Variants in TADA2A observed in about 807,000 individuals in gnomAD.
TADA2A encodes transcriptional adapter 2-alpha.
A neutral mutation model predicts 67.4 loss-of-function variants in TADA2A; 38 were observed. The observed-to-expected ratio is 0.56, with a 90% CI of 0.44 to 0.74. TADA2A has a LOEUF of 0.74. Among genes scored for constraint, TADA2A ranks in the 30% least tolerant of loss-of-function variants. TADA2A has a pLI of 0.00. For synonymous variants in TADA2A, 192 were observed against 181.6 expected, an observed-to-expected ratio of 1.06 and a Z score of -0.46; for missense variants, 454 against 547.0, an observed-to-expected ratio of 0.83 and a Z score of 1.70.
intron 7 of TADA2A, 83 bp downstream of exon 7, chr17:37,442,735 A>G (rs2052959482): frequency 1.5e-6 from 2 of 1,296,806 alleles, no homozygotes; most frequent in African/African-American, 1.5e-5. Flanking sequence ...CATAGATTCC[A>G]TACCACTAAA....
At position 37,478,831 on chromosome 17, in the gene TADA2A, A is replaced by C. The variant is rs185259113; in HGVS notation, c.*1849A>C. On this transcript the variant is annotated 3_prime_UTR_variant, in exon 16 of 16. Transcript: ENST00000615182. ...AGCTGGGAAGGGATTCATCTAAGGG[A>C]TAAGAAATGAAAAAGACACTCTAAG... is the stretch of plus-strand genomic sequence containing the variant. The C allele has an allele frequency of 1.3e-5, 2 of 152,338 alleles. No homozygotes were observed. The highest frequency in any genetic ancestry group is 6.5e-5 in the Admixed American group (1 of 15,302). The allele number at this position is 152,338 out of a possible 1,614,324, so 9.4% of individuals were successfully genotyped here.
intron 15 of TADA2A, among the ~76,000 whole-genome samples, chr17:37,475,325 T>A (rs571443886): frequency 4.3e-4 from 65 of 151,690 alleles, no homozygotes; most frequent in African/African-American, 1.5e-3. Context: ...TATAGGCGCT[T>A]GCCACCATGC....
At chr17:37,408,236 C>A in intron 1 of TADA2A, 1 of 152,786 alleles carries the variant, frequency 6.5e-6, no homozygotes. Context: ...ACTGTGCATC[C>A]TTTACTGGAC....
At chr17:37,475,051 A>G (rs2053864776) in intron 15 of TADA2A, among the ~76,000 whole-genome samples, 1 of 152,226 alleles carries the variant, frequency 6.6e-6, no homozygotes, top group South Asian at 2.1e-4. Context: ...CATAATCATT[A>G]TTTAAAACAT....
At chr17:37,412,112 G>A (rs946066247) in intron 2 of TADA2A, among the ~76,000 whole-genome samples, 16 of 151,730 alleles carry the variant, frequency 1.1e-4, no homozygotes, top group Non-Finnish European at 2.2e-4. Flanking sequence ...TTGGGAGGCT[G>A]AGGCAGGAGA....
At chr17:37,471,917 T>G (rs1040730358) in intron 14 of TADA2A, among the ~76,000 whole-genome samples, 1 of 152,038 alleles carries the variant, frequency 6.6e-6, no homozygotes, top group African/African-American at 2.4e-5. Flanking sequence ...TTTACCTCTT[T>G]GAGTATGTCC....
chr17:37,427,493 A>G (rs1454295041), intron 4 of TADA2A, among the ~76,000 whole-genome samples: 1 of 152,220 alleles, frequency 6.6e-6, no homozygotes, highest in African/African-American at 2.4e-5. Context: ...GAATTAATAC[A>G]TAAAATCACT....
chr17:37,476,656 T>C (rs2053898350), intron 15 of TADA2A, 141 bp from the exon 16 acceptor site: 2 of 761,454 alleles, frequency 2.6e-6, no homozygotes, highest in Non-Finnish European at 2.1e-6. Flanking sequence ...AGAGACTAAA[T>C]GGAATGTAGT....
intron 14 of TADA2A, among the ~76,000 whole-genome samples, chr17:37,471,511 A>T (rs373336481): frequency 1.6e-3 from 240 of 152,006 alleles, no homozygotes; most frequent in African/African-American, 5.6e-3. Flanking sequence ...TTTTTTATTT[A>T]TTTACTTATT....
At chr17:37,444,792 T>C in intron 8 of TADA2A, 24 bp downstream of exon 8, 1 of 1,607,302 alleles carries the variant, frequency 6.2e-7, no homozygotes, top group Non-Finnish European at 8.5e-7. Context: ...TTGTCAAATG[T>C]TTATCGAGCG....
intron 6 of TADA2A, among the ~76,000 whole-genome samples, chr17:37,441,020 G>A (rs987902854): frequency 6.6e-6 from 1 of 151,994 alleles, no homozygotes; most frequent in African/African-American, 2.4e-5. Flanking sequence ...ACTTGAACCG[G>A]GTAGGCGGAG....
Position 37,476,953 on chromosome 17 carries a change from A to G in TADA2A, c.1303A>G (p.Ile435Val), listed in dbSNP as rs1447715107. 6.2e-7 allele frequency: 1 copy of G among 1,613,878 alleles called. No homozygotes were observed. Among genetic ancestry groups the G allele is most frequent in the South Asian group, 1.1e-5 (1 of 91,060 alleles). The part of the protein sequence containing the change: ...NKTRKIYDFL[I>V]REGYITKG ...AACCCGGAAAATCTATGATTTCCTC[A>G]TCAGAGAAGGATACATCACTAAAGG... The change falls in exon 16 of 16, where the codon ATC (isoleucine) becomes GTC (valine). Residue 435 changes from isoleucine to valine, a missense_variant. Physicochemically the swap from Ile to Val is conservative, Grantham distance 29. Coordinates refer to ENST00000615182, the MANE Select transcript of TADA2A (RefSeq NM_001166105.3).
At chr17:37,426,102 A>C (rs936010652) in intron 3 of TADA2A, among the ~76,000 whole-genome samples, 1 of 152,010 alleles carries the variant, frequency 6.6e-6, no homozygotes, top group African/African-American at 2.4e-5. Flanking sequence ...GCCTGCCCTG[A>C]GTAACTAGGT....
intron 10 of TADA2A, 134 bp downstream of exon 10, chr17:37,462,255 G>A (rs1168066801): frequency 6.7e-6 from 4 of 594,488 alleles, no homozygotes; most frequent in Non-Finnish European, 1.2e-5. Flanking sequence ...AATGAAGTAA[G>A]AATCTCTGGG....
At chr17:37,464,505 G>A (rs920977216) in intron 10 of TADA2A, among the ~76,000 whole-genome samples, 22 of 152,098 alleles carry the variant, frequency 1.4e-4, no homozygotes, top group African/African-American at 5.1e-4. Context: ...TAATTGTCTC[G>A]TCCATTACTG....
chr17:37,424,165 G>T (rs2052332863), intron 3 of TADA2A, among the ~76,000 whole-genome samples: 1 of 152,130 alleles, frequency 6.6e-6, no homozygotes, highest in Non-Finnish European at 1.5e-5. Flanking sequence ...GGGCACAGTG[G>T]CTCATGCCTG....
chr17:37,439,950 T>A lies in TADA2A; in HGVS notation c.285-555T>A, dbSNP rs376191847. On this transcript the variant is annotated intron_variant, in intron 5 of 15. Transcript: ENST00000615182. ...TATTTATTTATTTATTTATTATTTT[T>A]TTTTTTTTTTGAGATGGAGTTTCGC... Among the ~76,000 whole-genome samples, 988 of 138,306 alleles carry A rather than the reference T, an allele frequency of 7.1e-3. 18 individuals carry two copies. Among genetic ancestry groups the A allele is most frequent in the African/African-American group, 0.026 (908 of 34,962 alleles). The allele number at this position is 138,306 out of a possible 152,430, so 90.7% of individuals were successfully genotyped here.
chr17:37,449,946 G>C (rs1012563860), intron 8 of TADA2A, among the ~76,000 whole-genome samples: 2 of 152,122 alleles, frequency 1.3e-5, no homozygotes, highest in Non-Finnish European at 2.9e-5. Flanking sequence ...TACATTCAGG[G>C]AAGCAGACAA....
chr17:37,467,985 G>A (rs924859560), intron 12 of TADA2A, among the ~76,000 whole-genome samples: 1 of 152,014 alleles, frequency 6.6e-6, no homozygotes, highest in Non-Finnish European at 1.5e-5. Flanking sequence ...GGGAGGCTGA[G>A]GCACAAGAAT....
Sources: allele counts gnomAD v4.1 joint callset (sites outside exome capture counted in the v4.1 genomes callset), GRCh38; gene constraint gnomAD v4.1.1; transcripts MANE v1.5; gene names NCBI Gene and HGNC (gene_info 2026-07-23, HGNC 2026-07-21).